The following PROSER2 variants were observed in gnomAD, a reference collection of about 807,000 sequenced individuals.
The protein encoded by PROSER2 is proline and serine-rich protein 2.
PROSER2 carries 18 observed loss-of-function variants against 14.6 expected under a neutral mutation model. The observed-to-expected ratio is 1.23, with a 90% CI of 0.85 to 1.83. The LOEUF (loss-of-function observed/expected upper bound fraction) is 1.83. Ranked by LOEUF, PROSER2 falls within the 40% of genes most tolerant of loss-of-function variation. PROSER2 has a pLI of 0.00. For synonymous variants in PROSER2, 367 were observed against 286.4 expected (o/e 1.28, Z -2.84); for missense variants, 823 against 629.8 (o/e 1.31, Z -3.28).
intron 1 of PROSER2, among the ~76,000 whole-genome samples, chr10:11,839,553 G>A (rs534332279): frequency 1.1e-4 from 16 of 150,414 alleles, no homozygotes; most frequent in Admixed American, 1.1e-3. Flanking sequence ...TTGGCTGGGC[G>A]CGGTGGCTCA....
intron 1 of PROSER2, chr10:11,831,693 G>A (rs1833690985): frequency 6.6e-6 from 1 of 152,130 alleles, no homozygotes; most frequent in African/African-American, 2.4e-5. Context: ...CCAATCAGAT[G>A]TCTGGTCAAG....
chr10:11,850,595 T>C (rs914164430), intron 1 of PROSER2: 5 of 152,382 alleles, frequency 3.3e-5, no homozygotes, highest in Admixed American at 6.5e-5. Context: ...GTGGCAACTT[T>C]ATGTATATGC....
At chr10:11,859,448 T>C (rs945024286) in intron 2 of PROSER2, among the ~76,000 whole-genome samples, 1 of 152,030 alleles carries the variant, frequency 6.6e-6, no homozygotes, top group Non-Finnish European at 1.5e-5. Flanking sequence ...CAAAAAAAAT[T>C]TGTGAGAAGG....
rs747318225 is a variant in PROSER2, at chr10:11,869,481, G to A, written c.392-9G>A. 9.3e-6 allele frequency: 15 copies of A among 1,609,822 alleles called. No homozygotes were observed. Among genetic ancestry groups the A allele is most frequent in the Non-Finnish European group, 1.3e-5 (15 of 1,176,428 alleles). ...CCGGTGGCTCACAGGCTCCTCCCTT[G>A]TCTTCCAGGGCCTGCACCTGCTGGG... On this transcript the variant is annotated splice_polypyrimidine_tract_variant and intron_variant, in intron 3 of 3. Coordinates refer to ENST00000277570, the MANE Select transcript of PROSER2 (RefSeq NM_153256.4). This position sits in a 1 kb window ranked among gnomAD's most constrained non-coding sequence, Gnocchi z 4.4.
chr10:11,866,799 G>C lies in PROSER2; in HGVS notation c.391+16G>C. On this transcript the variant is annotated intron_variant, in intron 3 of 3. Transcript: ENST00000277570. The surrounding 1 kb of genome is among the most constrained non-coding windows in gnomAD (Gnocchi z 6.0). Reference sequence around the variant, plus strand: ...CAGGCAGCAGGTGAGGGGGAAGACAGGCCATCCCTGGGATGTGGTTTCCTG... The same window carrying C: ...CAGGCAGCAGGTGAGGGGGAAGACACGCCATCCCTGGGATGTGGTTTCCTG... 1 of 1,603,742 alleles carries C rather than the reference G, an allele frequency of 6.2e-7. No individual in the cohort carries two copies. Among genetic ancestry groups the C allele is most frequent in the Non-Finnish European group, 8.5e-7 (1 of 1,177,132 alleles).
intron 2 of PROSER2, chr10:11,857,452 C>T (rs1336498026): frequency 6.6e-6 from 1 of 152,052 alleles, no homozygotes; most frequent in Non-Finnish European, 1.5e-5. Context: ...TAGAAGTAAC[C>T]ATTATTGGCC....
chr10:11,859,395 C>G (rs752011137), intron 2 of PROSER2, among the ~76,000 whole-genome samples: 8 of 152,030 alleles, frequency 5.3e-5, no homozygotes, highest in Non-Finnish European at 1.2e-4. Context: ...CCACTGCACT[C>G]CAAGCTGGGA....
chr10:11,843,394 A>T, intron 1 of PROSER2, among the ~76,000 whole-genome samples: 1 of 150,086 alleles, frequency 6.7e-6, no homozygotes, highest in East Asian at 2.0e-4. Flanking sequence ...CTCTACTAAA[A>T]ATACAAAAAA....
intron 2 of PROSER2, among the ~76,000 whole-genome samples, chr10:11,858,541 A>T (rs1017857426): frequency 1.3e-5 from 2 of 152,170 alleles, no homozygotes; most frequent in Non-Finnish European, 2.9e-5. Context: ...GGTGCATTAT[A>T]ATGACCTTAG....
At chr10:11,849,395 G>A (rs937452410) in intron 1 of PROSER2, among the ~76,000 whole-genome samples, 1 of 152,156 alleles carries the variant, frequency 6.6e-6, no homozygotes, top group Non-Finnish European at 1.5e-5. Flanking sequence ...ATATTCTGTA[G>A]GTCTAGGTCT....
At chr10:11,847,417 T>C (rs995425216) in intron 1 of PROSER2, among the ~76,000 whole-genome samples, 2 of 151,916 alleles carry the variant, frequency 1.3e-5, no homozygotes, top group Non-Finnish European at 2.9e-5. Flanking sequence ...TTGTTTTGTT[T>C]TGTTGTTGTT....
At chr10:11,835,773 C>A (rs947245191) in intron 1 of PROSER2, among the ~76,000 whole-genome samples, 4 of 152,076 alleles carry the variant, frequency 2.6e-5, no homozygotes, top group Admixed American at 2.6e-4. Flanking sequence ...GACACTGATG[C>A]CTGTTCACAT....
At position 11,837,853 on chromosome 10, in the gene PROSER2, G is replaced by A. The variant is rs536818839; in HGVS notation, c.-81-14144G>A. Among the ~76,000 whole-genome samples the A allele has an allele frequency of 6.6e-6, 1 of 152,050 alleles. No individual in the cohort carries two copies. The highest frequency in any genetic ancestry group is 6.6e-5 in the Admixed American group (1 of 15,260). On this transcript the variant is annotated intron_variant, in intron 1 of 3. Coordinates refer to ENST00000277570, the MANE Select transcript of PROSER2 (RefSeq NM_153256.4). The surrounding 1 kb of genome is among the most constrained non-coding windows in gnomAD (Gnocchi z 4.6). ...GGTTAACCGTTCCCTGGTTAGTTTT[G>A]AGCTGAACTGTGATGCTAGAAAAGG...
chr10:11,841,294 A>G (rs541640683), intron 1 of PROSER2, among the ~76,000 whole-genome samples: 1 of 152,190 alleles, frequency 6.6e-6, no homozygotes, highest in South Asian at 2.1e-4. Context: ...ACCTACAGTT[A>G]TGTCCCCACT....
chr10:11,829,050 C>A (rs1833654917), intron 1 of PROSER2, among the ~76,000 whole-genome samples: 2 of 152,048 alleles, frequency 1.3e-5, no homozygotes, highest in African/African-American at 4.8e-5. Context: ...GGTTAGCCTT[C>A]CAGTCGGGGG....
chr10:11,832,283 C>T (rs931388106), intron 1 of PROSER2, among the ~76,000 whole-genome samples: 2 of 152,184 alleles, frequency 1.3e-5, no homozygotes, highest in African/African-American at 4.8e-5. Flanking sequence ...GGATATAGTC[C>T]TCGTTTGCTT....
intron 1 of PROSER2, among the ~76,000 whole-genome samples, chr10:11,842,387 T>A (rs1228558181): frequency 1.3e-5 from 2 of 152,144 alleles, no homozygotes; most frequent in African/African-American, 2.4e-5. Context: ...TTTTTTTTTT[T>A]AATCTTTCAT....
At chr10:11,843,676 ACT>A (rs1235254727) in intron 1 of PROSER2, among the ~76,000 whole-genome samples, 1 of 143,718 alleles carries the variant, frequency 7.0e-6, no homozygotes, top group African/African-American at 2.7e-5. Flanking sequence ...ACAGAGCGAG[ACT>A]CTGTCTCAAA....
At chr10:11,833,623 A>G (rs1483674218) in intron 1 of PROSER2, among the ~76,000 whole-genome samples, 7 of 152,026 alleles carry the variant, frequency 4.6e-5, no homozygotes, top group African/African-American at 9.7e-5. Flanking sequence ...CCCAGGAGGC[A>G]GAGGTTGCAG....
Sources: allele counts gnomAD v4.1 joint callset (sites outside exome capture counted in the v4.1 genomes callset), GRCh38; gene constraint gnomAD v4.1.1; non-coding constraint Gnocchi (gnomAD v3.1); transcripts MANE v1.5; gene names NCBI Gene and HGNC (gene_info 2026-07-23, HGNC 2026-07-21).